Variants in DOCK8 observed in about 807,000 individuals in gnomAD.
The protein encoded by DOCK8 is dedicator of cytokinesis protein 8.
A neutral mutation model predicts 245.6 loss-of-function variants in DOCK8; 141 were observed. That is an observed-to-expected ratio of 0.57 (90% CI 0.50 to 0.66). The LOEUF (loss-of-function observed/expected upper bound fraction) is 0.66. Ranked by LOEUF, DOCK8 falls within the 30% of genes least tolerant of loss-of-function variation. The pLI is 0.00. For missense variants in DOCK8, 2,965 were observed against 2,603.4 expected, an observed-to-expected ratio of 1.14 and a Z score of -3.02; for synonymous variants, 1,168 against 970.2, an observed-to-expected ratio of 1.20 and a Z score of -3.79.
At chr9:214,268 C>G, upstream of DOCK8, 1 of 505,864 alleles carries the variant, frequency 2.0e-6, no homozygotes, top group Non-Finnish European at 3.5e-6. Flanking sequence ...GCAAGAACGC[C>G]GCCTTCAGTG....
chr9:312,573 C>G, intron 6 of DOCK8: 1 of 372,590 alleles, frequency 2.7e-6, no homozygotes, highest in Non-Finnish European at 5.2e-6. Context: ...TGCTTTGTTA[C>G]TTTCTTTTTA....
intron 14 of DOCK8, among the ~76,000 whole-genome samples, chr9:347,411 T>C (rs113709009): frequency 0.066 from 10,010 of 151,918 alleles, 444 homozygotes; most frequent in African/African-American, 0.13. Context: ...GAGGCTGAGG[T>C]GGGAGGATCG....
intron 2 of DOCK8, among the ~76,000 whole-genome samples, chr9:277,962 A>G (rs765596953): frequency 5.2e-4 from 79 of 152,216 alleles, no homozygotes; most frequent in Non-Finnish European, 2.6e-4. Flanking sequence ...CCTGATAAAT[A>G]TGGTCCTCTT....
intron 1 of DOCK8, among the ~76,000 whole-genome samples, chr9:236,995 G>A (rs1304434379): frequency 6.6e-6 from 1 of 152,200 alleles, no homozygotes; most frequent in African/African-American, 2.4e-5. Flanking sequence ...AGGGCTGGGG[G>A]AATATATTAT....
At chr9:273,134 A>T in intron 2 of DOCK8, 1 of 921,178 alleles carries the variant, frequency 1.1e-6, no homozygotes, top group Non-Finnish European at 1.3e-6. Context: ...TGGTTATTTC[A>T]GAAGGATAAT....
intron 47 of DOCK8, 26 bp downstream of exon 47, chr9:463,713 T>C (rs1191421474): frequency 2.5e-6 from 4 of 1,612,560 alleles, no homozygotes; most frequent in East Asian, 4.5e-5. Context: ...AGGAGGCCTC[T>C]TCCTGTGGGA....
Position 441,993 on chromosome 9 carries a change from T to C in DOCK8, c.5474T>C (p.Ile1825Thr), listed in dbSNP as rs759864967. ...KEPAITKLPE[I>T]SHRLEAFYGQ... ...CCTGCAATTACCAAGCTTCCTGAGATCTCACATAGACTAGAGGTAAGAAAA... is the reference window on the plus strand; with the variant it reads ...CCTGCAATTACCAAGCTTCCTGAGACCTCACATAGACTAGAGGTAAGAAAA... The change falls in exon 42 of 48, where the codon ATC becomes ACC. Residue 1825 changes from isoleucine (I) to threonine (T), a missense_variant. Physicochemically the swap from Ile to Thr is moderately conservative, Grantham distance 89. Transcript: ENST00000432829. 1 of 1,614,016 alleles carries C rather than the reference T, an allele frequency of 6.2e-7. No homozygotes were observed. The highest frequency in any genetic ancestry group is 1.7e-5 in the Admixed American group (1 of 60,026).
chr9:242,513 T>A (rs1041345502), intron 1 of DOCK8, among the ~76,000 whole-genome samples: 4 of 152,220 alleles, frequency 2.6e-5, no homozygotes, highest in Admixed American at 2.6e-4. Context: ...TTCTTGCATT[T>A]ATTGAGCACC....
chr9:419,442 A>G lies in DOCK8; in HGVS notation c.3841-959A>G, dbSNP rs1586977357. Among the ~76,000 whole-genome samples, 6 of 152,316 alleles carry G rather than the reference A, an allele frequency of 3.9e-5. No homozygotes were observed. In the East Asian group the frequency reaches 7.7e-4, roughly 20 times the overall value. On this transcript the variant is annotated intron_variant, in intron 30 of 47. Transcript: ENST00000432829. The stretch of plus-strand genomic sequence containing the variant: ...GCTTGAGGTGGTATATGCCTTTTAC[A>G]TTATTTGCCTCTAAGGGAAAAACTC...
chr9:414,287 G>GT (rs1205421698), intron 28 of DOCK8, among the ~76,000 whole-genome samples: 17 of 152,300 alleles, frequency 1.1e-4, no homozygotes, highest in African/African-American at 4.1e-4. Context: ...CAATCCAAAT[G>GT]TTTATCAGTT....
chr9:464,350 C>T lies in DOCK8; in HGVS notation c.*131C>T. The T allele has an allele frequency of 1.2e-6, 1 of 831,388 alleles. No individual in the cohort carries two copies. Among genetic ancestry groups the T allele is most frequent in the South Asian group, 1.4e-5 (1 of 72,920 alleles). 51.5% of individuals were successfully genotyped at this position (831,388 alleles called of 1,614,324 possible). On this transcript the variant is annotated 3_prime_UTR_variant, in exon 48 of 48. Transcript: ENST00000432829. ...CCCTGATCAGCCAGCACTCTGGAAG[C>T]TTTGGGATCCCAGGAACCATGGAAT...
intron 1 of DOCK8, among the ~76,000 whole-genome samples, chr9:257,742 C>T (rs926811016): frequency 6.6e-6 from 1 of 152,120 alleles, no homozygotes; most frequent in Admixed American, 6.6e-5. Flanking sequence ...TGGTCTTGAT[C>T]CCTTGACCTC....
intron 8 of DOCK8, 43 bp from the exon 9 acceptor site, chr9:327,979 G>A (rs747358231): frequency 1.9e-6 from 3 of 1,587,966 alleles, no homozygotes; most frequent in South Asian, 2.2e-5. Context: ...AACCATGAAT[G>A]CAACAGGTCT....
In DOCK8 at chr9:383,648, C is replaced by T. The variant is rs554466240; in HGVS notation, c.2778+963C>T. Among the ~76,000 whole-genome samples the T allele has an allele frequency of 6.1e-5, 8 of 131,970 alleles. No homozygotes were observed. In the South Asian group the frequency reaches 1.5e-3, roughly 24 times the overall value. 86.6% of individuals were successfully genotyped at this position (131,970 alleles called of 152,430 possible). On this transcript the variant is annotated intron_variant, in intron 22 of 47. Transcript: ENST00000432829. ...ACGGGAGGTGGAGGTTGCAGTGAGC[C>T]GAGATTGCACCACTGCACTCCAGCT...
In DOCK8 at chr9:405,027, A is replaced by G. The variant is rs1189195715; in HGVS notation, c.3344A>G (p.Asn1115Ser). The change falls in exon 27 of 48, where the codon AAT (asparagine) becomes AGT (serine). Residue 1115 changes from asparagine to serine, a missense_variant. By Grantham distance (46) the Asn-to-Ser change is conservative. Coordinates refer to ENST00000432829, the MANE Select transcript of DOCK8 (RefSeq NM_203447.4). The part of the protein sequence containing the change: ...HYLNLNLFFM[N>S]ADTAPTSPCP... Reference sequence around the variant, plus strand: ...CTCAATCTGAACCTTTTTTTTATGAATGCTGATACTGCTCCAACATCTCCT... The same window carrying G: ...CTCAATCTGAACCTTTTTTTTATGAGTGCTGATACTGCTCCAACATCTCCT... 1.2e-6 allele frequency: 2 copies of G among 1,613,948 alleles called. No individual in the cohort carries two copies. The highest frequency in any genetic ancestry group is 1.7e-5 in the Admixed American group (1 of 60,006).
intron 41 of DOCK8, 96 bp from the exon 42 acceptor site, chr9:441,779 G>A: frequency 6.7e-7 from 1 of 1,500,326 alleles, no homozygotes; most frequent in African/African-American, 1.4e-5. Context: ...GGAGTAAAAT[G>A]CTTTGTTAAC....
intron 14 of DOCK8, among the ~76,000 whole-genome samples, chr9:355,249 G>C (rs986701715): frequency 6.8e-6 from 1 of 146,210 alleles, no homozygotes; most frequent in South Asian, 2.2e-4. Context: ...CTGTCACCAG[G>C]CTGGAGTGCA....
At chr9:301,017 A>G (rs1032621926) in intron 4 of DOCK8, among the ~76,000 whole-genome samples, 1 of 152,252 alleles carries the variant, frequency 6.6e-6, no homozygotes, top group Non-Finnish European at 1.5e-5. Context: ...TTCTGATACC[A>G]AAACCTGGGA....
intron 27 of DOCK8, 140 bp from the exon 28 acceptor site, chr9:406,790 C>T (rs1473421662): frequency 9.9e-7 from 1 of 1,012,864 alleles, no homozygotes; most frequent in Admixed American, 1.9e-5. Context: ...TCCTTGTCCG[C>T]CTTATCTGGC....
Sources: allele counts gnomAD v4.1 joint callset (sites outside exome capture counted in the v4.1 genomes callset), GRCh38; gene constraint gnomAD v4.1.1; transcripts MANE v1.5; gene names NCBI Gene and HGNC (gene_info 2026-07-23, HGNC 2026-07-21).